Variants in METTL25 observed in about 807,000 individuals in gnomAD.
The protein encoded by METTL25 is probable methyltransferase-like protein 25.
In METTL25, 64 loss-of-function variants were observed where a neutral mutation model predicts 71.6. The observed-to-expected ratio is 0.89, with a 90% CI of 0.73 to 1.10. The LOEUF is 1.10. Ranked by LOEUF, METTL25 falls within the 50% of genes least tolerant of loss-of-function variation. The probability of loss-of-function intolerance (pLI) is 0.00; values close to 1 mark genes in which losing one functional copy is unlikely to be tolerated. For synonymous variants in METTL25, 287 were observed against 250.3 expected, an observed-to-expected ratio of 1.15 and a Z score of -1.38; for missense variants, 807 against 707.0, an observed-to-expected ratio of 1.14 and a Z score of -1.60.
At chr12:82,466,225 T>C (rs959735098) in intron 9 of METTL25, among the ~76,000 whole-genome samples, 13 of 151,838 alleles carry the variant, frequency 8.6e-5, no homozygotes, top group Non-Finnish European at 1.9e-4. Context: ...TAGTTAGTTA[T>C]TGCTGTAAAC....
chr12:82,426,596 T>G (rs993026334), intron 5 of METTL25, among the ~76,000 whole-genome samples: 4 of 152,040 alleles, frequency 2.6e-5, no homozygotes, highest in African/African-American at 9.7e-5. Flanking sequence ...TAGCTTTATG[T>G]GTTCTAAGGG....
At chr12:82,439,790 C>T in intron 8 of METTL25, 1 of 788,098 alleles carries the variant, frequency 1.3e-6, no homozygotes, top group Non-Finnish European at 1.5e-6. Flanking sequence ...TGAAAAAAGC[C>T]ATAAAATTGT....
chr12:82,367,394 C>G (rs1239080201), intron 1 of METTL25, among the ~76,000 whole-genome samples: 3 of 152,168 alleles, frequency 2.0e-5, no homozygotes, highest in Non-Finnish European at 2.9e-5. Flanking sequence ...TACATGATTT[C>G]ATGCCTTCTG....
At chr12:82,398,695 T>A (rs1293683780) in intron 3 of METTL25, 100 bp from the exon 4 acceptor site, 2 of 680,340 alleles carry the variant, frequency 2.9e-6, no homozygotes, top group African/African-American at 3.7e-5. Context: ...AAAATAATAT[T>A]TAAGTTATAT....
At chr12:82,376,837 C>T (rs576154478) in intron 1 of METTL25, among the ~76,000 whole-genome samples, 7 of 151,974 alleles carry the variant, frequency 4.6e-5, no homozygotes, top group South Asian at 2.1e-4. Context: ...ATTTATTGGC[C>T]GGGCGCTGTG....
chr12:82,462,050 G>A (rs1408286189), intron 9 of METTL25, among the ~76,000 whole-genome samples: 1 of 152,176 alleles, frequency 6.6e-6, no homozygotes, highest in African/African-American at 2.4e-5. Context: ...TTTTTCTATA[G>A]ACTAGGAGTT....
At chr12:82,379,409 C>CA (rs879930055) in intron 1 of METTL25, among the ~76,000 whole-genome samples, 28 of 152,130 alleles carry the variant, frequency 1.8e-4, no homozygotes, top group Non-Finnish European at 3.5e-4. Context: ...TTTGATTTAT[C>CA]AAATTTGAAT....
intron 1 of METTL25, among the ~76,000 whole-genome samples, chr12:82,366,975 C>G (rs1318818015): frequency 2.6e-5 from 4 of 152,210 alleles, no homozygotes. Flanking sequence ...GCAAACAAAT[C>G]TTTGAGAACC....
intron 9 of METTL25, among the ~76,000 whole-genome samples, chr12:82,471,785 A>C (rs1277577294): frequency 1.3e-5 from 2 of 152,230 alleles, no homozygotes; most frequent in Admixed American, 6.5e-5. Flanking sequence ...TAGATTTCAT[A>C]ATAATAGCAG....
chr12:82,437,772 AGTTTTACCTTATTTGACTTCT>A (rs1890023965), intron 7 of METTL25, among the ~76,000 whole-genome samples: 1 of 151,736 alleles, frequency 6.6e-6, no homozygotes, highest in Non-Finnish European at 1.5e-5. Flanking sequence ...GACAGTTTTC[AGTTTTACCTTATTTGACTTCT>A]TAAAAGCATT....
At chr12:82,467,137 A>AC (rs1592772419) in intron 9 of METTL25, among the ~76,000 whole-genome samples, 2 of 152,128 alleles carry the variant, frequency 1.3e-5, no homozygotes. Context: ...TTAAAAAAAA[A>AC]AAAATCCATT....
chr12:82,465,247 A>G (rs1184628301), intron 9 of METTL25, among the ~76,000 whole-genome samples: 1 of 151,966 alleles, frequency 6.6e-6, no homozygotes, highest in Non-Finnish European at 1.5e-5. Flanking sequence ...GAATTGTCAT[A>G]TATGGCCTTT....
chr12:82,410,018 C>A (rs188444300), intron 5 of METTL25, among the ~76,000 whole-genome samples: 1 of 152,076 alleles, frequency 6.6e-6, no homozygotes, highest in East Asian at 1.9e-4. Flanking sequence ...AGATCATTAT[C>A]TTTACTGTTG....
intron 1 of METTL25, among the ~76,000 whole-genome samples, chr12:82,378,019 T>C (rs1309990414): frequency 1.3e-5 from 2 of 152,212 alleles, no homozygotes; most frequent in Admixed American, 6.5e-5. Flanking sequence ...TATTTTTTTT[T>C]CGTGTATCTT....
intron 5 of METTL25, among the ~76,000 whole-genome samples, chr12:82,417,343 G>A (rs1374016569): frequency 1.3e-5 from 2 of 152,090 alleles, no homozygotes; most frequent in Non-Finnish European, 2.9e-5. Flanking sequence ...AACTTTCAAC[G>A]ATGAATGAAC....
chr12:82,438,888 GT>G, intron 8 of METTL25, 97 bp downstream of exon 8: 1 of 1,159,034 alleles, frequency 8.6e-7, no homozygotes, highest in Non-Finnish European at 1.1e-6. Context: ...ACTGTTATTA[GT>G]AGAAGCAACT....
At chr12:82,386,532 GTC>G (rs1885038028) in intron 1 of METTL25, among the ~76,000 whole-genome samples, 1 of 135,876 alleles carries the variant, frequency 7.4e-6, no homozygotes. Context: ...CTCTGTCTCT[GTC>G]TCTTTCTTTC....
At chr12:82,396,472 A>G (rs1366377015) in intron 3 of METTL25, among the ~76,000 whole-genome samples, 1 of 152,062 alleles carries the variant, frequency 6.6e-6, no homozygotes, top group Non-Finnish European at 1.5e-5. Context: ...TGAGTGGCTC[A>G]TACTTATGTC....
In METTL25 at chr12:82,374,064, A is replaced by C. The variant is rs113359465; in HGVS notation, c.260-12739A>C. The C allele has an allele frequency of 2.1e-3, 324 of 157,334 alleles. 1 individual carries two copies. Among genetic ancestry groups the C allele is most frequent in the African/African-American group, 7.1e-3 (294 of 41,638 alleles). The allele number at this position is 157,334 out of a possible 1,614,324, so 9.7% of individuals were successfully genotyped here. ...TCTCACTGACTTCAAGAATGAAGCC[A>C]CAGACCTTTGCGGTGAGTATTACAC... On this transcript the variant is annotated intron_variant, in intron 1 of 11. Coordinates refer to ENST00000248306, the MANE Select transcript of METTL25 (RefSeq NM_032230.3).
Sources: allele counts gnomAD v4.1 joint callset (sites outside exome capture counted in the v4.1 genomes callset), GRCh38; gene constraint gnomAD v4.1.1; transcripts MANE v1.5; gene names NCBI Gene and HGNC (gene_info 2026-07-23, HGNC 2026-07-21).